Variants in TG observed in about 807,000 individuals in gnomAD.
TG encodes the protein thyroid hormones.
A neutral mutation model predicts 324.7 loss-of-function variants in TG; 270 were observed. The observed-to-expected ratio is 0.83, with a 90% CI of 0.75 to 0.92. The LOEUF (loss-of-function observed/expected upper bound fraction) is 0.92, where lower values mean the gene tolerates loss of function less well. Ranked by LOEUF, TG falls within the 40% of genes least tolerant of loss-of-function variation. The probability of loss-of-function intolerance (pLI) is 0.00; values close to 1 mark genes in which losing one functional copy is unlikely to be tolerated. For synonymous variants in TG, 1,401 were observed against 1,327.0 expected (o/e 1.06, Z -1.21); for missense variants, 3,591 against 3,456.4 (o/e 1.04, Z -0.98).
intron 35 of TG, among the ~76,000 whole-genome samples, chr8:132,990,915 GT>G (rs35213262): frequency 0.035 from 4,762 of 136,086 alleles, 133 homozygotes; most frequent in African/African-American, 0.084. Flanking sequence ...AGGAAGGCCA[GT>G]TTTTTTTTTT....
chr8:132,867,965 A>G (rs1450883988), intron 1 of TG, 150 bp from the exon 2 acceptor site: 5 of 698,738 alleles, frequency 7.2e-6, no homozygotes, highest in Non-Finnish European at 1.0e-5. Flanking sequence ...TCATACTTGT[A>G]AGAAAGTGTG....
At chr8:133,067,915 GAAAGAGAGAGAGAGAGA>G (rs1843321821) in intron 41 of TG, among the ~76,000 whole-genome samples, 1 of 36,920 alleles carries the variant, frequency 2.7e-5, no homozygotes, top group African/African-American at 6.9e-5. Flanking sequence ...AGGAAGGAAG[GAAAGAGAGAGAGAGAGA>G]AAGAAAGAAA....
At chr8:132,933,810 T>C in intron 24 of TG, 134 bp downstream of exon 24, 1 of 809,446 alleles carries the variant, frequency 1.2e-6, no homozygotes, top group Admixed American at 1.9e-5. Flanking sequence ...CCTCCATTTC[T>C]TCAAAGCAAT....
chr8:132,948,751 C>T (rs758836356), intron 26 of TG, 25 bp from the exon 27 acceptor site: 3 of 1,612,464 alleles, frequency 1.9e-6, no homozygotes, highest in Non-Finnish European at 8.5e-7. Context: ...TCACACTGAC[C>T]TCTCCTACCT....
intron 9 of TG, 106 bp from the exon 10 acceptor site, chr8:132,887,878 T>G (rs1035299579): frequency 1.9e-6 from 2 of 1,062,528 alleles, no homozygotes; most frequent in Admixed American, 4.0e-5. Flanking sequence ...TTTCTATGGC[T>G]ATATAAGGTT....
intron 5 of TG, among the ~76,000 whole-genome samples, chr8:132,878,538 C>T (rs1348041317): frequency 6.6e-6 from 1 of 151,290 alleles, no homozygotes; most frequent in Non-Finnish European, 1.5e-5. Flanking sequence ...ATCACTTGAA[C>T]CTGGGAGAAT....
intron 41 of TG, among the ~76,000 whole-genome samples, chr8:133,077,652 T>C (rs1247605760): frequency 6.6e-6 from 1 of 152,162 alleles, no homozygotes; most frequent in African/African-American, 2.4e-5. Flanking sequence ...ACTCAAATCT[T>C]AGGCCTCTGT....
intron 24 of TG, 80 bp downstream of exon 24, chr8:132,933,756 G>A (rs1823148661): frequency 3.0e-6 from 4 of 1,319,766 alleles, no homozygotes; most frequent in East Asian, 4.6e-5. Flanking sequence ...GCAGCAGGCT[G>A]GCCAGGCGAT....
intron 27 of TG, among the ~76,000 whole-genome samples, chr8:132,957,656 G>A (rs1181045485): frequency 6.6e-6 from 1 of 151,492 alleles, no homozygotes; most frequent in African/African-American, 2.4e-5. Flanking sequence ...ACGGCTCTTA[G>A]GAAGGGGCAG....
intron 41 of TG, among the ~76,000 whole-genome samples, chr8:133,042,242 C>T (rs1838393892): frequency 6.6e-6 from 1 of 152,156 alleles, no homozygotes; most frequent in Non-Finnish European, 1.5e-5. Flanking sequence ...AGACATCCTC[C>T]AGCTGTCTCT....
At chr8:133,013,142 C>T (rs1423280400) in intron 36 of TG, among the ~76,000 whole-genome samples, 1 of 152,210 alleles carries the variant, frequency 6.6e-6, no homozygotes, top group African/African-American at 2.4e-5. Context: ...CAAAAAAGAC[C>T]TTAATGCTGC....
chr8:132,929,244 C>G (rs1822333264), intron 23 of TG, 52 bp downstream of exon 23: 1 of 1,413,526 alleles, frequency 7.1e-7, no homozygotes, highest in Non-Finnish European at 1.0e-6. Flanking sequence ...GAAATAAGCT[C>G]TGCTGAGAGT....
intron 22 of TG, among the ~76,000 whole-genome samples, chr8:132,924,811 G>A (rs11778569): frequency 3.9e-5 from 6 of 152,222 alleles, no homozygotes; most frequent in Non-Finnish European, 5.9e-5. Flanking sequence ...GAGTGCCTTA[G>A]CAATGGCATT....
chr8:133,019,598 G>C lies in TG; in HGVS notation c.6783-4G>C, dbSNP rs1564079238. On this transcript the variant is annotated splice_region_variant and splice_polypyrimidine_tract_variant and intron_variant, in intron 38 of 47. Coordinates refer to ENST00000220616, the MANE Select transcript of TG (RefSeq NM_003235.5). ...CTTGGAAGTCACCCAGTCTGTATCT[G>C]CAGGGCCAGCTGCTGGCAGCCAGGC... The C allele has an allele frequency of 1.2e-6, 2 of 1,613,238 alleles. No homozygotes were observed. Among genetic ancestry groups the C allele is most frequent in the Middle Eastern group, 1.7e-4 (1 of 6,054 alleles).
intron 46 of TG, among the ~76,000 whole-genome samples, chr8:133,132,430 A>G (rs1852015098): frequency 6.6e-6 from 1 of 152,192 alleles, no homozygotes; most frequent in Admixed American, 6.5e-5. Flanking sequence ...TTTTCAGCTT[A>G]AGTTGAAATG....
intron 11 of TG, among the ~76,000 whole-genome samples, chr8:132,897,420 A>G (rs1260423384): frequency 1.3e-5 from 2 of 152,222 alleles, no homozygotes; most frequent in African/African-American, 2.4e-5. Context: ...GAGGTCTACT[A>G]TAATATTCTT....
chr8:132,981,251 T>C (rs1409355898), intron 34 of TG, among the ~76,000 whole-genome samples: 1 of 152,226 alleles, frequency 6.6e-6, no homozygotes, highest in African/African-American at 2.4e-5. Flanking sequence ...GTAGATGTGC[T>C]GTAGCTCACG....
At chr8:132,949,054 G>GAAA in intron 27 of TG, 111 bp downstream of exon 27, 77 of 711,758 alleles carry the variant, frequency 1.1e-4, no homozygotes, top group African/African-American at 1.3e-4. Flanking sequence ...TTATACTTCT[G>GAAA]AAAAAAAAAA....
At chr8:132,988,023 C>T (rs1831796203) in intron 35 of TG, among the ~76,000 whole-genome samples, 1 of 150,350 alleles carries the variant, frequency 6.7e-6, no homozygotes. Context: ...AGAATTCTTT[C>T]TTTGAAGTAG....
Sources: gnomAD v4.1 joint callset for allele counts (sites outside exome capture counted in the v4.1 genomes callset) on GRCh38, gnomAD v4.1.1 for gene constraint, MANE v1.5 for transcripts, NCBI Gene and HGNC (gene_info 2026-07-23, HGNC 2026-07-21) for gene names.